Variants in SLC25A29 observed in about 807,000 individuals in gnomAD.
The protein encoded by SLC25A29 is mitochondrial basic amino acids transporter.
SLC25A29 carries 13 observed loss-of-function variants against 10.0 expected under a neutral mutation model. The observed-to-expected ratio is 1.30, with a 90% CI of 0.85 to 2.07. SLC25A29 has a LOEUF of 2.07. Ranked by LOEUF, SLC25A29 falls within the 30% of genes most tolerant of loss-of-function variation. The pLI is 0.00. For missense variants in SLC25A29, 475 were observed against 447.6 expected (o/e 1.06, Z -0.55); for synonymous variants, 244 against 221.1 (o/e 1.10, Z -0.92).
chr14:100,283,831 T>C, the SLC25A29 span, among the ~76,000 whole-genome samples: 1 of 152,140 alleles, frequency 6.6e-6, no homozygotes, highest in African/African-American at 2.4e-5. Flanking sequence ...CCAGTATCTC[T>C]CCTTTATACT....
intron 1 of SLC25A29, among the ~76,000 whole-genome samples, chr14:100,302,052 T>C (rs1389630383): frequency 1.3e-5 from 1 of 76,058 alleles, no homozygotes; most frequent in African/African-American, 3.8e-5. Context: ...GAGCCTTTCT[T>C]TTTTTTTTTT....
chr14:100,282,377 G>T, the SLC25A29 span: 2 of 152,124 alleles, frequency 1.3e-5, no homozygotes, highest in Non-Finnish European at 2.9e-5. Flanking sequence ...TCTCTCTGGG[G>T]GCCGCACAAT....
At chr14:100,297,681 C>T (rs1892262887) in intron 2 of SLC25A29, among the ~76,000 whole-genome samples, 1 of 152,248 alleles carries the variant, frequency 6.6e-6, no homozygotes, top group Non-Finnish European at 1.5e-5. Context: ...TCTCGGCAGG[C>T]CGGTGCAGCA....
At chr14:100,281,183 T>A in the SLC25A29 span, 1 of 142,540 alleles carries the variant, frequency 7.0e-6, no homozygotes, top group African/African-American at 2.6e-5. Context: ...GACCTGGAAA[T>A]CAGCCTGGCT....
chr14:100,290,416 C>A (rs1024252880), downstream of SLC25A29, among the ~76,000 whole-genome samples: 2 of 152,226 alleles, frequency 1.3e-5, no homozygotes, highest in African/African-American at 4.8e-5. Context: ...AGCTTCCTCC[C>A]CGCCTCCTGC....
chr14:100,306,166 GC>G, intron 1 of SLC25A29, 32 bp downstream of exon 1: 2 of 1,435,982 alleles, frequency 1.4e-6, no homozygotes, highest in Non-Finnish European at 9.1e-7. Context: ...CGGACGCCTC[GC>G]CCCGGCCCGG....
chr14:100,301,066 A>AT lies in SLC25A29; in HGVS notation c.35-2182dup, dbSNP rs1001458956. ...AGGCGCCCGCCACCACACCTGGCTA[A>AT]TTTTTTGTATGTTTAGTAGAGACAG... On this transcript the variant is annotated intron_variant, in intron 1 of 3. Coordinates refer to ENST00000359232, the MANE Select transcript of SLC25A29 (RefSeq NM_001039355.3). Among the ~76,000 whole-genome samples, 11 of 151,656 alleles carry AT rather than the reference A, an allele frequency of 7.3e-5. 1 individual carries two copies. The highest frequency in any genetic ancestry group is 2.6e-4 in the Admixed American group (4 of 15,228).
chr14:100,291,600 G>A lies in SLC25A29; in HGVS notation c.*683C>T, dbSNP rs1891698484. 6.5e-6 allele frequency: 1 copy of A among 154,196 alleles called. No individual in the cohort carries two copies. The highest frequency in any genetic ancestry group is 2.4e-5 in the African/African-American group (1 of 41,458). 9.6% of individuals were successfully genotyped at this position (154,196 alleles called of 1,614,324 possible). On this transcript the variant is annotated 3_prime_UTR_variant, in exon 4 of 4. Coordinates refer to ENST00000359232, the MANE Select transcript of SLC25A29 (RefSeq NM_001039355.3). ...TTGAACTGTCCAGACCTCCACCGCT[G>A]GCCTGTTTGCTCCCCACCCTAGTCC...
rs1892954868 is a variant in SLC25A29, at chr14:100,306,348, C to T, written c.-116G>A. The T allele has an allele frequency of 5.6e-6, 6 of 1,067,952 alleles. No homozygotes were observed. The highest frequency in any genetic ancestry group is 4.0e-5 in the South Asian group (1 of 24,962). 66.2% of individuals were successfully genotyped at this position (1,067,952 alleles called of 1,614,324 possible). On this transcript the variant is annotated 5_prime_UTR_variant, in exon 1 of 4. Coordinates refer to ENST00000359232, the MANE Select transcript of SLC25A29 (RefSeq NM_001039355.3). ...GGTGCCGGGGCTGGGCCTGGCCGCT[C>T]CTCCTGGCGCGGAGCCCGGGCAGGC...
intron 1 of SLC25A29, chr14:100,305,563 G>A (rs1490876812): frequency 6.6e-6 from 1 of 152,370 alleles, no homozygotes; most frequent in Non-Finnish European, 1.5e-5. Flanking sequence ...CAACTGCATG[G>A]GAGGAACCCC....
At chr14:100,295,729 C>T in intron 2 of SLC25A29, 2 of 1,289,532 alleles carry the variant, frequency 1.6e-6, no homozygotes, top group Non-Finnish European at 2.0e-6. Context: ...GTTAAAGCAA[C>T]ACAAAATTTC....
chr14:100,294,735 C>T (rs1254045097), intron 2 of SLC25A29: 1 of 152,198 alleles, frequency 6.6e-6, no homozygotes, highest in African/African-American at 2.4e-5. Flanking sequence ...ATTCTGGAAC[C>T]TTTTCCAATT....
chr14:100,282,992 C>A, the SLC25A29 span, among the ~76,000 whole-genome samples: 1 of 152,190 alleles, frequency 6.6e-6, no homozygotes, highest in Non-Finnish European at 1.5e-5. Context: ...GCTTCTGTAA[C>A]CTTTCAGCTC....
chr14:100,292,094 T>C lies in SLC25A29; in HGVS notation c.*189A>G. On this transcript the variant is annotated 3_prime_UTR_variant, in exon 4 of 4. Coordinates refer to ENST00000359232, the MANE Select transcript of SLC25A29 (RefSeq NM_001039355.3). Reference sequence around the variant, plus strand: ...TGTGGGCATGAGGGTCCTTATTTCATAGATGAGAACACTGAGGCAAGTGCA... The same window carrying C: ...TGTGGGCATGAGGGTCCTTATTTCACAGATGAGAACACTGAGGCAAGTGCA... 2.9e-6 allele frequency: 2 copies of C among 686,420 alleles called. No individual in the cohort carries two copies. Among genetic ancestry groups the C allele is most frequent in the East Asian group, 3.1e-5 (1 of 32,534 alleles). The allele number at this position is 686,420 out of a possible 1,614,324, so 42.5% of individuals were successfully genotyped here.
chr14:100,298,121 G>C (rs1892294400), intron 2 of SLC25A29: 1 of 153,738 alleles, frequency 6.5e-6, no homozygotes, highest in African/African-American at 2.4e-5. Context: ...TGCTCAGTGG[G>C]AAGAGCGGCC....
chr14:100,303,603 A>AC (rs1892704370), intron 1 of SLC25A29, among the ~76,000 whole-genome samples: 1 of 152,202 alleles, frequency 6.6e-6, no homozygotes, highest in Admixed American at 6.5e-5. Flanking sequence ...ATCCTCAGGA[A>AC]CAGTGTGGGC....
intron 1 of SLC25A29, chr14:100,305,522 G>T (rs1431387793): frequency 6.6e-6 from 1 of 152,332 alleles, no homozygotes; most frequent in African/African-American, 2.4e-5. Context: ...GGAGAGCCTG[G>T]ACTGCACGCC....
At position 100,292,885 on chromosome 14, in the gene SLC25A29, CG is replaced by C; in HGVS notation, c.309del (p.Ala104ProfsTer243). ...GGGCAGCAGATGACGCACTGGATGG[CG>C]CCCGCCGCCGCACCTGCCAGGAACT... ...LNQFLAGAAA[G>X]AIQCVICCPM... On this transcript the variant is annotated frameshift_variant, in exon 4 of 4. Coordinates refer to ENST00000359232, the MANE Select transcript of SLC25A29 (RefSeq NM_001039355.3). LOFTEE classifies it low-confidence loss of function (END_TRUNC). 1.9e-6 allele frequency: 3 copies of C among 1,600,788 alleles called. No individual in the cohort carries two copies. Among genetic ancestry groups the C allele is most frequent in the Non-Finnish European group, 2.6e-6 (3 of 1,175,554 alleles).
In SLC25A29 at chr14:100,292,697, GCCGAAGCTGGGCGTCTCACGCAGCA is replaced by G; in HGVS notation, c.473_497del (p.Leu158SerfsTer181). ...GAGCGTCATAGGTGAGGAAGTAGAC[GCCGAAGCTGGGCGTCTCACGCAGCA>G]ACGTGGACACCATGCCCCGGTTGAC... is the stretch of plus-strand genomic sequence containing the variant. On this transcript the variant is annotated frameshift_variant, in exon 4 of 4. Transcript: ENST00000359232. LOFTEE classifies it low-confidence loss of function (END_TRUNC). 1 of 1,602,690 alleles carries G rather than the reference GCCGAAGCTGGGCGTCTCACGCAGCA, an allele frequency of 6.2e-7. No homozygotes were observed. Among genetic ancestry groups the G allele is most frequent in the Non-Finnish European group, 8.5e-7 (1 of 1,175,954 alleles).
Sources: allele counts gnomAD v4.1 joint callset (sites outside exome capture counted in the v4.1 genomes callset), GRCh38; gene constraint gnomAD v4.1.1; transcripts MANE v1.5; gene names NCBI Gene and HGNC (gene_info 2026-07-23, HGNC 2026-07-21).